JAK2: variants seen among roughly 807,000 people sequenced by gnomAD.
JAK2 encodes the protein Janus kinase 2.
Under a neutral mutation model 139.3 loss-of-function variants are expected in JAK2, and 86 were observed. The observed-to-expected ratio is 0.62, with a 90% CI of 0.52 to 0.74. The LOEUF is 0.74. Ranked by LOEUF, JAK2 falls within the 30% of genes least tolerant of loss-of-function variation. JAK2 has a pLI of 0.00. For synonymous variants in JAK2, 490 were observed against 437.7 expected (o/e 1.12, Z -1.49); for missense variants, 1,421 against 1,360.3 (o/e 1.04, Z -0.70).
rs1165352646 is a variant in JAK2 at position 5,117,847 on chromosome 9, G to A, written c.3060-5157G>A. Among the ~76,000 whole-genome samples the A allele has an allele frequency of 2.0e-5, 3 of 152,150 alleles. 1 individual carries two copies. The highest frequency in any genetic ancestry group is 4.4e-5 in the Non-Finnish European group (3 of 68,020). On this transcript the variant is annotated intron_variant, in intron 22 of 24. Transcript: ENST00000381652. ...GACAGAGGGGACGTTGTATTAATGA[G>A]AGGCTAATAGTAGAGAGGCAGCTAA... is the stretch of plus-strand genomic sequence containing the variant.
At chr9:4,997,023 G>A (rs1465342711) in intron 2 of JAK2, among the ~76,000 whole-genome samples, 9 of 151,142 alleles carry the variant, frequency 6.0e-5, no homozygotes. Context: ...GCCTTCCCTG[G>A]GGTCCAGTGA....
chr9:4,985,049 G>T (rs1819862864), upstream of JAK2: 1 of 152,282 alleles, frequency 6.6e-6, no homozygotes, highest in Non-Finnish European at 1.5e-5. Context: ...CGCGCGTCCG[G>T]CTCTCCCCCA....
chr9:5,008,223 G>C (rs534932186), intron 2 of JAK2, among the ~76,000 whole-genome samples: 1 of 152,180 alleles, frequency 6.6e-6, no homozygotes, highest in South Asian at 2.1e-4. Context: ...ATGTTTGCTT[G>C]TTCCATTGTT....
intron 2 of JAK2, among the ~76,000 whole-genome samples, chr9:5,006,375 T>G (rs1251213023): frequency 6.6e-6 from 1 of 152,208 alleles, no homozygotes; most frequent in Non-Finnish European, 1.5e-5. Context: ...GCTTATCAGC[T>G]TAAGGAGATT....
rs143997706 is a variant in JAK2, at chr9:5,072,536, C to A, written c.1686C>A (p.Gly562=). 4 of 1,605,102 alleles carry A rather than the reference C, an allele frequency of 2.5e-6. No homozygotes were observed. In the South Asian group the frequency reaches 4.5e-5, roughly 18 times the overall value. Residue 562 remains glycine, a synonymous_variant, in exon 13 of 25, where the codon GGC becomes GGA. Transcript: ENST00000381652. ...GCACTTTTACAAAGATTTTTAAAGGCGTACGAAGAGAAGTAGGAGACTACG... is the reference window on the plus strand; with the variant it reads ...GCACTTTTACAAAGATTTTTAAAGGAGTACGAAGAGAAGTAGGAGACTACG... The part of the protein sequence containing the change: ...GQGTFTKIFK[G]VRREVGDYGQ...
chr9:5,035,667 G>A (rs1337932370), intron 4 of JAK2, among the ~76,000 whole-genome samples: 1 of 152,076 alleles, frequency 6.6e-6, no homozygotes, highest in Non-Finnish European at 1.5e-5. Context: ...AAGGTCTTTG[G>A]CAAAATTCAA....
intron 2 of JAK2, among the ~76,000 whole-genome samples, chr9:5,007,789 T>G (rs142434797): frequency 6.6e-6 from 1 of 151,870 alleles, no homozygotes; most frequent in Admixed American, 6.6e-5. Flanking sequence ...GTGTGATATC[T>G]GAGCCTTGGC....
chr9:5,008,649 C>CT (rs1340736012), intron 2 of JAK2, among the ~76,000 whole-genome samples: 2 of 152,138 alleles, frequency 1.3e-5, no homozygotes, highest in Non-Finnish European at 2.9e-5. Context: ...AAACTGAACT[C>CT]TTTTAGAGTT....
chr9:5,106,026 C>G (rs1168531068), intron 22 of JAK2, among the ~76,000 whole-genome samples: 2 of 152,112 alleles, frequency 1.3e-5, no homozygotes, highest in Non-Finnish European at 2.9e-5. Context: ...GATGAAAACG[C>G]CAGAAACAAA....
chr9:5,085,656 T>C (rs1820032539), intron 19 of JAK2: 1 of 724,400 alleles, frequency 1.4e-6, no homozygotes, highest in Non-Finnish European at 2.6e-6. Flanking sequence ...TCTTGTGTGT[T>C]TTCCTTTTCG....
At chr9:5,048,973 C>T (rs189116697) in intron 5 of JAK2, among the ~76,000 whole-genome samples, 15 of 152,096 alleles carry the variant, frequency 9.9e-5, no homozygotes, top group Admixed American at 9.2e-4. Context: ...TTTTCTTTCT[C>T]CCATTACATG....
At chr9:4,984,789 C>G (rs1819844682), upstream of JAK2, 5 of 152,418 alleles carry the variant, frequency 3.3e-5, no homozygotes, top group South Asian at 4.1e-4. Context: ...GGCCGCTTCC[C>G]TGGAGGGCGG....
intron 2 of JAK2, among the ~76,000 whole-genome samples, chr9:5,000,224 A>G (rs1486899556): frequency 6.6e-6 from 1 of 151,854 alleles, no homozygotes; most frequent in Non-Finnish European, 1.5e-5. Context: ...TATTTCCTCT[A>G]TCATTTTTCA....
chr9:5,081,036 C>CA (rs905398656), intron 18 of JAK2, among the ~76,000 whole-genome samples: 3 of 151,480 alleles, frequency 2.0e-5, no homozygotes, highest in African/African-American at 7.3e-5. Flanking sequence ...GCTGGGACTA[C>CA]AGGCGCCCGC....
chr9:5,020,274 A>G (rs998806157), intron 2 of JAK2, among the ~76,000 whole-genome samples: 3 of 152,162 alleles, frequency 2.0e-5, no homozygotes, highest in Non-Finnish European at 4.4e-5. Flanking sequence ...CCACATCCTC[A>G]GACCCCCAGG....
chr9:5,002,369 C>A (rs889333551), intron 2 of JAK2, among the ~76,000 whole-genome samples: 1 of 151,842 alleles, frequency 6.6e-6, no homozygotes, highest in African/African-American at 2.4e-5. Context: ...TTTCTGATTT[C>A]CCTTTTAATT....
intron 8 of JAK2, among the ~76,000 whole-genome samples, chr9:5,062,632 G>T (rs1204612325): frequency 1.3e-5 from 2 of 151,804 alleles, no homozygotes; most frequent in African/African-American, 4.8e-5. Flanking sequence ...AGTTCAAAGG[G>T]TATGAATATT....
chr9:5,088,377 C>T (rs1342874907), intron 19 of JAK2, among the ~76,000 whole-genome samples: 1 of 152,100 alleles, frequency 6.6e-6, no homozygotes, highest in Non-Finnish European at 1.5e-5. Context: ...TCTTGTAACT[C>T]AAGAACTACA....
intron 22 of JAK2, among the ~76,000 whole-genome samples, chr9:5,093,464 A>T (rs1820740529): frequency 6.6e-6 from 1 of 152,158 alleles, no homozygotes; most frequent in Non-Finnish European, 1.5e-5. Flanking sequence ...GCTGTCTCTT[A>T]CGTTTAATCA....
Sources: gnomAD v4.1 joint callset for allele counts (sites outside exome capture counted in the v4.1 genomes callset) on GRCh38, gnomAD v4.1.1 for gene constraint, MANE v1.5 for transcripts, NCBI Gene and HGNC (gene_info 2026-07-23, HGNC 2026-07-21) for gene names.